The following TBC1D19 variants were observed in gnomAD, a reference collection of about 807,000 sequenced individuals.
The protein encoded by TBC1D19 is TBC1 domain family member 19, also known as TBC1 domain family, member 19.
A neutral mutation model predicts 89.0 loss-of-function variants in TBC1D19; 60 were observed. That is an observed-to-expected ratio of 0.67 (90% CI 0.55 to 0.84). TBC1D19 has a LOEUF of 0.84. Among genes scored for constraint, TBC1D19 ranks in the 40% least tolerant of loss-of-function variants. The probability of loss-of-function intolerance (pLI) is 0.00; values close to 1 mark genes in which losing one functional copy is unlikely to be tolerated. For synonymous variants in TBC1D19, 189 were observed against 199.7 expected (o/e 0.95, Z 0.45); for missense variants, 500 against 610.8 (o/e 0.82, Z 1.91).
the TBC1D19 span, among the ~76,000 whole-genome samples, chr4:26,842,340 C>CTTTTTTTTTTTTTTTTTTTTTTTT: frequency 6.1e-5 from 5 of 81,576 alleles, no homozygotes; most frequent in Admixed American, 1.7e-4. Context: ...CTTTTCTTTT[C>CTTTTTTTTTTTTTTTTTTTTTTTT]TTTTTTTTTT....
the TBC1D19 span, among the ~76,000 whole-genome samples, chr4:26,818,730 C>T: frequency 1.3e-5 from 2 of 152,166 alleles, no homozygotes; most frequent in Non-Finnish European, 2.9e-5. Flanking sequence ...CAATGACGAA[C>T]TCTTCTCAGT....
At chr4:26,806,234 T>C in the TBC1D19 span, among the ~76,000 whole-genome samples, 2 of 152,188 alleles carry the variant, frequency 1.3e-5, no homozygotes, top group South Asian at 2.1e-4. Flanking sequence ...TCCAAGTCTC[T>C]ACTCCAGTGC....
At chr4:26,639,996 TG>T (rs1164496751) in intron 6 of TBC1D19, 144 bp from the exon 7 acceptor site, 3 of 536,094 alleles carry the variant, frequency 5.6e-6, no homozygotes, top group African/African-American at 3.9e-5. Context: ...TAATGTTCTC[TG>T]TACTTAATGC....
chr4:26,789,363 G>A, the TBC1D19 span, among the ~76,000 whole-genome samples: 1 of 152,282 alleles, frequency 6.6e-6, no homozygotes, highest in East Asian at 1.9e-4. Flanking sequence ...GTCACTTCCA[G>A]ATCTGGCCCA....
the TBC1D19 span, among the ~76,000 whole-genome samples, chr4:26,815,471 C>T: frequency 1.8e-4 from 28 of 152,350 alleles, 1 homozygote; most frequent in East Asian, 5.2e-3. Context: ...CTGTTGGGAA[C>T]TTTAGTGAAC....
chr4:26,751,103 C>T (rs1310811079), intron 19 of TBC1D19, among the ~76,000 whole-genome samples: 2 of 152,050 alleles, frequency 1.3e-5, no homozygotes, highest in African/African-American at 2.4e-5. Flanking sequence ...AAAGTGTAGA[C>T]CTTTCCTCCC....
chr4:26,580,390 A>G (rs1349383979), upstream of TBC1D19, among the ~76,000 whole-genome samples: 1 of 152,206 alleles, frequency 6.6e-6, no homozygotes, highest in Non-Finnish European at 1.5e-5. Context: ...ATCCCGAGGC[A>G]GGCAGAGTAG....
rs1195158077 is a variant in TBC1D19, at chr4:26,625,942, A to T, written c.294+5254A>T. On this transcript the variant is annotated intron_variant, in intron 4 of 20. Transcript: ENST00000264866. ...AATGTTACTCTTTTTCCCTCTTTCC[A>T]TACTGTACTCTTTGGAAGGAAGTCA... Among the ~76,000 whole-genome samples, 3 of 152,016 alleles carry T rather than the reference A, an allele frequency of 2.0e-5. No individual in the cohort carries two copies. In the East Asian group the frequency reaches 5.8e-4, roughly 29 times the overall value.
intron 1 of TBC1D19, among the ~76,000 whole-genome samples, chr4:26,605,462 A>C (rs1245483609): frequency 1.3e-5 from 2 of 151,954 alleles, no homozygotes. Flanking sequence ...ATTGTTGGAC[A>C]TTTGGGTTGG....
chr4:26,687,250 G>GTT (rs1713892184), intron 12 of TBC1D19, among the ~76,000 whole-genome samples: 2 of 152,098 alleles, frequency 1.3e-5, no homozygotes, highest in Non-Finnish European at 2.9e-5. Flanking sequence ...CTTTCTGGAT[G>GTT]TTTACTCTTT....
At chr4:26,642,777 A>T (rs780449982) in intron 7 of TBC1D19, among the ~76,000 whole-genome samples, 3 of 152,164 alleles carry the variant, frequency 2.0e-5, no homozygotes, top group Non-Finnish European at 4.4e-5. Context: ...CAGGAGTTAC[A>T]ATCCTAGTCT....
intron 15 of TBC1D19, among the ~76,000 whole-genome samples, chr4:26,732,985 G>T (rs898748784): frequency 1.3e-5 from 2 of 152,166 alleles, no homozygotes; most frequent in Admixed American, 6.5e-5. Flanking sequence ...AGGAAATTTT[G>T]AAAGAATGGG....
the TBC1D19 span, among the ~76,000 whole-genome samples, chr4:26,836,002 T>C: frequency 5.4e-5 from 8 of 148,870 alleles, no homozygotes; most frequent in South Asian, 1.2e-3. Flanking sequence ...TCTCTCTCTC[T>C]CTCTATCACT....
intron 9 of TBC1D19, among the ~76,000 whole-genome samples, chr4:26,667,739 TATTC>T (rs1474358606): frequency 6.6e-6 from 1 of 152,012 alleles, no homozygotes; most frequent in Non-Finnish European, 1.5e-5. Flanking sequence ...GTCCTAGAAA[TATTC>T]ATTCATTCAT....
chr4:26,774,687 AT>A, the TBC1D19 span, among the ~76,000 whole-genome samples: 1 of 152,160 alleles, frequency 6.6e-6, no homozygotes, highest in African/African-American at 2.4e-5. Context: ...GTTCTAGTAG[AT>A]TTTTTTGTAG....
At chr4:26,697,856 G>A (rs771210849) in intron 13 of TBC1D19, among the ~76,000 whole-genome samples, 30 of 152,076 alleles carry the variant, frequency 2.0e-4, no homozygotes, top group Non-Finnish European at 2.9e-4. Flanking sequence ...TTGATGGGAC[G>A]TATCTCAAAA....
At chr4:26,668,663 G>A (rs1712021847) in intron 9 of TBC1D19, among the ~76,000 whole-genome samples, 1 of 152,094 alleles carries the variant, frequency 6.6e-6, no homozygotes, top group South Asian at 2.1e-4. Context: ...AGTTGGAAAT[G>A]TAATGCTAAT....
intron 13 of TBC1D19, among the ~76,000 whole-genome samples, chr4:26,691,751 G>A (rs865902555): frequency 1.3e-5 from 2 of 152,066 alleles, no homozygotes; most frequent in Non-Finnish European, 2.9e-5. Flanking sequence ...ACTTTATTGT[G>A]GTGGTCTGGA....
chr4:26,692,902 A>G (rs746583171), intron 13 of TBC1D19, among the ~76,000 whole-genome samples: 9 of 152,326 alleles, frequency 5.9e-5, no homozygotes, highest in Non-Finnish European at 1.2e-4. Flanking sequence ...GAGGAACCTA[A>G]TATCTGGCTG....
Sources: allele counts gnomAD v4.1 joint callset (sites outside exome capture counted in the v4.1 genomes callset), GRCh38; gene constraint gnomAD v4.1.1; transcripts MANE v1.5; gene names NCBI Gene and HGNC (gene_info 2026-07-23, HGNC 2026-07-21).